MINAR2: variants seen among roughly 807,000 people sequenced by gnomAD.
The protein encoded by MINAR2 is major intrinsically disordered NOTCH2-binding receptor 1-like.
In MINAR2, 21 loss-of-function variants were observed where a neutral mutation model predicts 16.1. The observed-to-expected ratio is 1.31, with a 90% CI of 0.93 to 1.88. MINAR2 has a LOEUF of 1.88. Among genes scored for constraint, MINAR2 ranks in the 40% most tolerant of loss-of-function variants. MINAR2 has a pLI of 0.00. For missense variants in MINAR2, 259 were observed against 229.8 expected (o/e 1.13, Z -0.82); for synonymous variants, 86 against 83.0 (o/e 1.04, Z -0.20).
chr5:129,753,752 A>C (rs1429918760), intron 1 of MINAR2, among the ~76,000 whole-genome samples: 4 of 151,408 alleles, frequency 2.6e-5, no homozygotes, highest in African/African-American at 9.7e-5. Flanking sequence ...GACTCCGTTG[A>C]AAGAGAGAGA....
chr5:129,759,149 A>G (rs1489035559), intron 1 of MINAR2, among the ~76,000 whole-genome samples: 1 of 152,082 alleles, frequency 6.6e-6, no homozygotes, highest in Non-Finnish European at 1.5e-5. Context: ...ACCTATATAC[A>G]CTAATAAATG....
chr5:129,760,760 C>T (rs1207231292), intron 2 of MINAR2, among the ~76,000 whole-genome samples, 155 bp downstream of exon 2: 2 of 152,096 alleles, frequency 1.3e-5, no homozygotes, highest in East Asian at 3.9e-4. Flanking sequence ...TTTCTCCCTC[C>T]TAGTCAGTAT....
At chr5:129,761,674 CT>C (rs1186299953) in intron 2 of MINAR2, among the ~76,000 whole-genome samples, 1 of 151,948 alleles carries the variant, frequency 6.6e-6, no homozygotes, top group Non-Finnish European at 1.5e-5. Flanking sequence ...TTTTGCATTC[CT>C]TACCAAGAGT....
chr5:129,750,450 G>A (rs1049360396), intron 1 of MINAR2, among the ~76,000 whole-genome samples: 7 of 152,112 alleles, frequency 4.6e-5, no homozygotes, highest in African/African-American at 1.2e-4. Flanking sequence ...GAATAAAGAA[G>A]TTAGAAACTT....
chr5:129,764,904 G>A lies in MINAR2; in HGVS notation c.414G>A (p.Arg138=). 7 of 1,328,568 alleles carry A rather than the reference G, an allele frequency of 5.3e-6. No homozygotes were observed. The highest frequency in any genetic ancestry group is 6.7e-6 in the Non-Finnish European group (7 of 1,038,738). The allele number at this position is 1,328,568 out of a possible 1,614,324, so 82.3% of individuals were successfully genotyped here. A position where few individuals can be genotyped will look rare whatever the true frequency, so the allele number is the denominator to read the frequency against. The change falls in exon 3 of 3, where the codon CGG becomes CGA. Residue 138 remains arginine, a synonymous_variant. Coordinates refer to ENST00000564719, the MANE Select transcript of MINAR2 (RefSeq NM_001257308.2). ...TTTAGGAAAATCCTAATGACCTGCG[G>A]TTTTGGTTGGGAGACATGTACACTC... The part of the protein sequence containing the change: ...GHLKENPNDL[R]FWLGDMYTPG...
chr5:129,755,788 A>G (rs1008252516), intron 1 of MINAR2, among the ~76,000 whole-genome samples: 3 of 151,974 alleles, frequency 2.0e-5, no homozygotes, highest in African/African-American at 4.8e-5. Flanking sequence ...TCTCCATTGT[A>G]TATATTTATT....
intron 1 of MINAR2, among the ~76,000 whole-genome samples, chr5:129,758,044 T>G (rs1232596826): frequency 6.6e-6 from 1 of 152,006 alleles, no homozygotes; most frequent in Non-Finnish European, 1.5e-5. Context: ...AATTATAGTT[T>G]ACTTCACACA....
At position 129,748,592 on chromosome 5, in the gene MINAR2, T is replaced by G. The variant is rs149186484; in HGVS notation, c.165+237T>G. On this transcript the variant is annotated intron_variant, in intron 1 of 2. Transcript: ENST00000564719. ...CTCCTAGCATTAGCTTCTCTGCCTA[T>G]CCTCATTTTAGATTTCAGGTGGCCC... Among the ~76,000 whole-genome samples the G allele has an allele frequency of 2.6e-3, 389 of 152,304 alleles. 1 individual carries two copies. The highest frequency in any genetic ancestry group is 8.5e-3 in the African/African-American group (352 of 41,564).
At position 129,760,557 on chromosome 5, in the gene MINAR2, G is replaced by A. The variant is rs886755290; in HGVS notation, c.345G>A (p.Glu115=). The change falls in exon 2 of 3, where the codon GAG becomes GAA. Residue 115 remains glutamate (E), a synonymous_variant. Transcript: ENST00000564719. ...AAAAGAACCCCTCATGGACCATTGA[G>A]GAATATGACAAACATTCCCTGCACA... ...ERKKNPSWTI[E]EYDKHSLHTN... The A allele has an allele frequency of 5.9e-6, 9 of 1,535,526 alleles. No individual in the cohort carries two copies. The highest frequency in any genetic ancestry group is 2.0e-5 in the Admixed American group (1 of 50,962).
chr5:129,758,291 T>A (rs1187038482), intron 1 of MINAR2, among the ~76,000 whole-genome samples: 2 of 151,978 alleles, frequency 1.3e-5, no homozygotes, highest in Non-Finnish European at 2.9e-5. Flanking sequence ...CTGAAAGTTA[T>A]TTTAAAAAAT....
intron 1 of MINAR2, among the ~76,000 whole-genome samples, chr5:129,749,370 A>G (rs1008493849): frequency 6.6e-6 from 1 of 152,150 alleles, no homozygotes; most frequent in Non-Finnish European, 1.5e-5. Flanking sequence ...TTATCATGAG[A>G]TCATTCAAAA....
At chr5:129,749,420 C>T (rs982411996) in intron 1 of MINAR2, among the ~76,000 whole-genome samples, 22 of 152,122 alleles carry the variant, frequency 1.4e-4, no homozygotes, top group African/African-American at 5.1e-4. Context: ...TTTCCTCCAC[C>T]TATAAGGATT....
At position 129,764,915 on chromosome 5, in the gene MINAR2, G is replaced by T; in HGVS notation, c.425G>T (p.Gly142Val). ...CCTAATGACCTGCGGTTTTGGTTGG[G>T]AGACATGTACACTCCAGGTTTTGAC... ...ENPNDLRFWL[G>V]DMYTPGFDTL... is the part of the protein sequence containing the mutation. The change falls in exon 3 of 3, where the codon GGA becomes GTA. Residue 142 changes from glycine to valine, a missense_variant. Transcript: ENST00000564719. 7.5e-7 allele frequency: 1 copy of T among 1,331,026 alleles called. No homozygotes were observed. The highest frequency in any genetic ancestry group is 9.6e-7 in the Non-Finnish European group (1 of 1,040,336). The allele number at this position is 1,331,026 out of a possible 1,614,324, so 82.5% of individuals were successfully genotyped here. A position where few individuals can be genotyped will look rare whatever the true frequency, so the allele number is the denominator to read the frequency against.
intron 2 of MINAR2, 49 bp from the exon 3 acceptor site, chr5:129,764,833 AAC>A (rs1758187847): frequency 2.0e-6 from 2 of 1,022,702 alleles, no homozygotes; most frequent in Non-Finnish European, 2.6e-6. Flanking sequence ...ATTAATTTGT[AAC>A]ACTGACTGAT....
chr5:129,760,541 C>T lies in MINAR2; in HGVS notation c.329C>T (p.Pro110Leu), dbSNP rs186699882. The change falls in exon 2 of 3, where the codon CCC becomes CTC. Residue 110 changes from proline to leucine, a missense_variant. Transcript: ENST00000564719. Reference protein sequence around the residue: ...EEAMEERKKNPSWTIEEYDKH... With the variant: ...EEAMEERKKNLSWTIEEYDKH... Reference sequence around the variant, plus strand: ...GCTATGGAAGAAAGAAAAAAGAACCCCTCATGGACCATTGAGGAATATGAC... The same window carrying T: ...GCTATGGAAGAAAGAAAAAAGAACCTCTCATGGACCATTGAGGAATATGAC... The T allele has an allele frequency of 2.6e-6, 4 of 1,535,624 alleles. No homozygotes were observed. The East Asian group carries it at 9.8e-5, about 38-fold the overall frequency.
At position 129,766,650 on chromosome 5, in the gene MINAR2, A is replaced by AAAC. The variant is rs1554114118; in HGVS notation, c.*1589_*1590insCAA. 6.1e-5 allele frequency: 9 copies of AAAC among 147,868 alleles called. No homozygotes were observed. Among genetic ancestry groups the AAAC allele is most frequent in the Non-Finnish European group, 1.2e-4 (8 of 66,848 alleles). 9.2% of individuals were successfully genotyped at this position (147,868 alleles called of 1,614,324 possible). On this transcript the variant is annotated 3_prime_UTR_variant, in exon 3 of 3. Transcript: ENST00000564719. Reference sequence around the variant, plus strand: ...AGACTTCCATAAAAAAAAAAAAAAAAAAAAAACAAACAAACAAACAAAAAA... The same window carrying AAAC: ...AGACTTCCATAAAAAAAAAAAAAAAAAACAAAAAACAAACAAACAAACAAAAAA...
chr5:129,757,154 G>A (rs147501619), intron 1 of MINAR2, among the ~76,000 whole-genome samples: 1 of 151,456 alleles, frequency 6.6e-6, no homozygotes, highest in African/African-American at 2.4e-5. Context: ...TGTGTGTAGT[G>A]TCACAAAAAA....
At chr5:129,753,707 C>T (rs1305252136) in intron 1 of MINAR2, among the ~76,000 whole-genome samples, 2 of 151,520 alleles carry the variant, frequency 1.3e-5, no homozygotes, top group South Asian at 2.1e-4. Flanking sequence ...GAGCTGAGAT[C>T]GCGCCATTGT....
intron 2 of MINAR2, chr5:129,762,750 A>G: frequency 4.6e-6 from 1 of 215,788 alleles, no homozygotes; most frequent in South Asian, 9.1e-5. Context: ...AAAAAAATAA[A>G]GAAGAAAAAT....
Sources: gnomAD v4.1 joint callset for allele counts (sites outside exome capture counted in the v4.1 genomes callset) on GRCh38, gnomAD v4.1.1 for gene constraint, MANE v1.5 for transcripts, NCBI Gene and HGNC (gene_info 2026-07-23, HGNC 2026-07-21) for gene names.